Variants in TP63 observed in about 807,000 individuals in gnomAD.
The protein encoded by TP63 is tumor protein 63.
TP63 carries 17 observed loss-of-function variants against 82.8 expected under a neutral mutation model. That is an observed-to-expected ratio of 0.21 (90% CI 0.14 to 0.31). The LOEUF is 0.31. TP63 is among the 10% of genes least tolerant of loss of function. The pLI, the probability that TP63 is intolerant of heterozygous loss-of-function variation, is 1.00. For missense variants in TP63, 648 were observed against 895.3 expected (o/e 0.72, Z 3.52); for synonymous variants, 330 against 321.7 (o/e 1.03, Z -0.28).
Position 189,875,589 on chromosome 3 carries a change from CATACATATATATATATAT to C in TP63, c.1349+2598_1349+2615del, listed in dbSNP as rs1316619921. Among the ~76,000 whole-genome samples, 144 of 44,424 alleles carry C rather than the reference CATACATATATATATATAT, an allele frequency of 3.2e-3. 13 individuals are homozygous for C. Among genetic ancestry groups the C allele is most frequent in the South Asian group, 0.014 (16 of 1,156 alleles). 29.1% of individuals were successfully genotyped at this position (44,424 alleles called of 152,430 possible). A position where few individuals can be genotyped will look rare whatever the true frequency, so the allele number is the denominator to read the frequency against. On this transcript the variant is annotated intron_variant, in intron 10 of 13. Transcript: ENST00000264731. Reference sequence around the variant, plus strand: ...TCAAAAAGAAAAAGAAAAAAAAATACATACATATATATATATATATATATATATATATATATATATATA... The same window carrying C: ...TCAAAAAGAAAAAGAAAAAAAAATACATATATATATATATATATATATATA...
At chr3:189,703,517 A>T (rs1011663507) in intron 1 of TP63, among the ~76,000 whole-genome samples, 1 of 152,168 alleles carries the variant, frequency 6.6e-6, no homozygotes, top group Non-Finnish European at 1.5e-5. Flanking sequence ...CTTCCTATTG[A>T]AAAAGAAAAG....
chr3:189,778,977 C>T (rs985561705), intron 3 of TP63, among the ~76,000 whole-genome samples: 1 of 152,120 alleles, frequency 6.6e-6, no homozygotes, highest in African/African-American at 2.4e-5. Flanking sequence ...CCAGCTTTCC[C>T]ATAGCTCGTG....
At chr3:189,597,882 T>G in the TP63 span, among the ~76,000 whole-genome samples, 1 of 151,510 alleles carries the variant, frequency 6.6e-6, no homozygotes, top group Non-Finnish European at 1.5e-5. Context: ...TGAGCCATGA[T>G]TGTACCACTA....
At chr3:189,649,285 A>C (rs13065852) in intron 1 of TP63, among the ~76,000 whole-genome samples, 66,053 of 146,468 alleles carry the variant, frequency 0.45, 19,060 homozygotes, top group Middle Eastern at 0.66. Context: ...ATGGAACACT[A>C]TGCAGCGTGA....
intron 4 of TP63, among the ~76,000 whole-genome samples, chr3:189,814,669 C>G (rs1297371281): frequency 6.6e-6 from 1 of 152,134 alleles, no homozygotes; most frequent in African/African-American, 2.4e-5. Flanking sequence ...GGTGATGGTT[C>G]AAGTAACTTA....
chr3:189,799,787 C>A (rs916316147), intron 3 of TP63, among the ~76,000 whole-genome samples: 1 of 152,066 alleles, frequency 6.6e-6, no homozygotes, highest in Non-Finnish European at 1.5e-5. Flanking sequence ...AGAAATGAAT[C>A]AAATTTGGAC....
At chr3:189,874,520 A>T (rs1420664227) in intron 10 of TP63, among the ~76,000 whole-genome samples, 2 of 152,146 alleles carry the variant, frequency 1.3e-5, no homozygotes, top group Non-Finnish European at 2.9e-5. Context: ...AGCATCCAAG[A>T]TCCTTTTTGG....
intron 1 of TP63, among the ~76,000 whole-genome samples, chr3:189,727,990 T>C (rs1288418342): frequency 1.3e-5 from 2 of 152,184 alleles, no homozygotes; most frequent in African/African-American, 4.8e-5. Flanking sequence ...GAATTTAGTA[T>C]AGTAGAGCGA....
At chr3:189,757,579 A>G (rs1722273243) in intron 3 of TP63, among the ~76,000 whole-genome samples, 1 of 152,196 alleles carries the variant, frequency 6.6e-6, no homozygotes, top group Non-Finnish European at 1.5e-5. Context: ...TGAATTATTA[A>G]TCCTAAATAG....
chr3:189,631,364 A>T (rs1729445435), upstream of TP63: 1 of 1,504,072 alleles, frequency 6.6e-7, no homozygotes, highest in Non-Finnish European at 8.9e-7. Context: ...GCAAATATGT[A>T]TGAAGGAGAG....
In TP63 at chr3:189,738,666, T is replaced by A; in HGVS notation, c.216T>A (p.Ile72=). ...GGCCTATATGTTCAGTTCAGCCCAT[T>A]GACTTGAACTTTGTGGATGAACCAT... ...LEQPICSVQP[I]DLNFVDEPSE... is the part of the protein sequence containing the mutation. Residue 72 remains isoleucine (I), a synonymous_variant, in exon 3 of 14, where the codon ATT becomes ATA. Transcript: ENST00000264731. 6.2e-7 allele frequency: 1 copy of A among 1,614,136 alleles called. No homozygotes were observed. The highest frequency in any genetic ancestry group is 8.5e-7 in the Non-Finnish European group (1 of 1,180,008).
chr3:189,607,353 C>A, the TP63 span, among the ~76,000 whole-genome samples: 3 of 152,070 alleles, frequency 2.0e-5, no homozygotes, highest in Non-Finnish European at 2.9e-5. Context: ...GAAGAAAATG[C>A]AGGAACTTTT....
upstream of TP63, among the ~76,000 whole-genome samples, chr3:189,631,047 T>C (rs942809210): frequency 6.6e-6 from 1 of 152,166 alleles, no homozygotes; most frequent in South Asian, 2.1e-4. Context: ...GGAAGTGTTA[T>C]GTAGCTGGAG....
chr3:189,880,778 T>C, intron 10 of TP63: 1 of 985,370 alleles, frequency 1.0e-6, no homozygotes, highest in Non-Finnish European at 1.2e-6. Context: ...ACTTTGTGGG[T>C]GGAGAGTTCT....
chr3:189,673,160 AATCATCTG>A (rs1178979508), intron 1 of TP63, among the ~76,000 whole-genome samples: 1 of 152,114 alleles, frequency 6.6e-6, no homozygotes, highest in Non-Finnish European at 1.5e-5. Flanking sequence ...AATAAATAAC[AATCATCTG>A]AATAGATGCA....
intron 3 of TP63, among the ~76,000 whole-genome samples, chr3:189,762,223 G>C (rs1722636804): frequency 6.6e-6 from 1 of 152,336 alleles, no homozygotes; most frequent in South Asian, 2.1e-4. Flanking sequence ...CACAAAGGCT[G>C]CCTGTTAGGG....
At chr3:189,648,000 C>T (rs1301457932) in intron 1 of TP63, among the ~76,000 whole-genome samples, 2 of 132,612 alleles carry the variant, frequency 1.5e-5, no homozygotes, top group Non-Finnish European at 3.3e-5. Context: ...ATTAAATAAA[C>T]GAATTTCAAA....
chr3:189,840,264 A>G (rs1041803078), intron 4 of TP63, among the ~76,000 whole-genome samples: 1 of 149,664 alleles, frequency 6.7e-6, no homozygotes, highest in Non-Finnish European at 1.5e-5. Flanking sequence ...TCAAAAAGGT[A>G]GACGTCTACC....
chr3:189,733,036 C>A (rs1720288188), intron 1 of TP63, among the ~76,000 whole-genome samples: 1 of 152,100 alleles, frequency 6.6e-6, no homozygotes, highest in Non-Finnish European at 1.5e-5. Flanking sequence ...TCCATGCTGT[C>A]ACGTGCAAGG....
Sources: allele counts gnomAD v4.1 joint callset (sites outside exome capture counted in the v4.1 genomes callset), GRCh38; gene constraint gnomAD v4.1.1; transcripts MANE v1.5; gene names NCBI Gene and HGNC (gene_info 2026-07-23, HGNC 2026-07-21).